The following SSPN variants were observed in gnomAD, a reference collection of about 807,000 sequenced individuals.
The protein encoded by SSPN is K-ras oncogene-associated protein.
SSPN carries 15 observed loss-of-function variants against 19.1 expected under a neutral mutation model. That is an observed-to-expected ratio of 0.78 (90% CI 0.52 to 1.21). The LOEUF (loss-of-function observed/expected upper bound fraction) is 1.21, where lower values mean the gene tolerates loss of function less well. Among genes scored for constraint, SSPN ranks in the 50% most tolerant of loss-of-function variants. The pLI is 0.00. For missense variants in SSPN, 291 were observed against 314.0 expected (o/e 0.93, Z 0.55); for synonymous variants, 147 against 140.3 (o/e 1.05, Z -0.34).
intron 1 of SSPN, among the ~76,000 whole-genome samples, chr12:26,210,329 A>G (rs1944972038): frequency 6.6e-6 from 1 of 152,110 alleles, no homozygotes; most frequent in Admixed American, 6.5e-5. Context: ...TAACAAGTTA[A>G]TTTCTTAATA....
chr12:26,228,136 C>T (rs1003364632), intron 2 of SSPN, among the ~76,000 whole-genome samples: 1 of 152,114 alleles, frequency 6.6e-6, no homozygotes, highest in Non-Finnish European at 1.5e-5. Flanking sequence ...TGGCTCATGC[C>T]TGTAATCTCA....
intron 1 of SSPN, chr12:26,123,213 C>T (rs769366229): frequency 6.3e-5 from 97 of 1,527,926 alleles, no homozygotes; most frequent in Non-Finnish European, 7.0e-5. Flanking sequence ...GGAGTGGAGG[C>T]AAGAAGAAAC....
intron 1 of SSPN, among the ~76,000 whole-genome samples, chr12:26,173,729 T>C (rs113643794): frequency 2.0e-5 from 3 of 152,336 alleles, no homozygotes; most frequent in African/African-American, 7.2e-5. Context: ...TGACAAGCCA[T>C]TGTATCTTCA....
At chr12:26,155,320 A>G (rs2137419232) in intron 1 of SSPN, among the ~76,000 whole-genome samples, 1 of 152,330 alleles carries the variant, frequency 6.6e-6, no homozygotes, top group Non-Finnish European at 1.5e-5. Flanking sequence ...AGAAGAAACA[A>G]TTACCAACAC....
At chr12:26,202,977 A>G (rs987451334) in intron 1 of SSPN, among the ~76,000 whole-genome samples, 1 of 152,196 alleles carries the variant, frequency 6.6e-6, no homozygotes, top group Non-Finnish European at 1.5e-5. Flanking sequence ...GCAGAAGGCA[A>G]AGGAGAAGCA....
chr12:26,140,211 G>A (rs1057306395), intron 1 of SSPN, among the ~76,000 whole-genome samples: 12 of 152,210 alleles, frequency 7.9e-5, no homozygotes, highest in Admixed American at 2.0e-4. Flanking sequence ...AGCCTGGTAC[G>A]TCGTAATGTC....
chr12:26,214,592 A>G (rs1240471095), intron 1 of SSPN: 2 of 152,232 alleles, frequency 1.3e-5, no homozygotes, highest in Non-Finnish European at 2.9e-5. Context: ...TGTTCTTACC[A>G]CTGTGTAACC....
chr12:26,122,895 G>T (rs1362934828), intron 1 of SSPN: 22 of 1,550,036 alleles, frequency 1.4e-5, no homozygotes, highest in Non-Finnish European at 1.8e-5. Flanking sequence ...CTTCTGCCCC[G>T]CGCGCTCCAG....
rs1342277890 is a variant in SSPN at position 26,224,357 on chromosome 12, C to G, written c.344C>G (p.Thr115Arg). ...GTCTCATATCAGGTTGACGAACGGA[C>G]ATGTATTCAATTTTCTATGAAAGTA... The part of the protein sequence containing the change: ...LCVSYQVDER[T>R]CIQFSMKLLY... The change falls in exon 2 of 3, where the codon ACA (threonine) becomes AGA (arginine). Residue 115 changes from threonine to arginine, a missense_variant. Physicochemically the swap from Thr to Arg is moderately conservative, Grantham distance 71. Coordinates refer to ENST00000242729, the MANE Select transcript of SSPN (RefSeq NM_005086.5). The G allele has an allele frequency of 6.2e-7, 1 of 1,613,648 alleles. No homozygotes were observed. The highest frequency in any genetic ancestry group is 1.3e-5 in the African/African-American group (1 of 75,024).
rs375948635 is a variant in SSPN, at chr12:26,161,934, C to G, written c.-31+39782C>G. On this transcript the variant is annotated intron_variant, in intron 1 of 2. Transcript: ENST00000538142. The stretch of plus-strand genomic sequence containing the variant: ...TCACTCACCAGCCGCTCACCCCATG[C>G]TGTGCGGCCCAGTTCCTAACTGGCC... Among the ~76,000 whole-genome samples the G allele has an allele frequency of 1.1e-3, 169 of 152,346 alleles. 1 individual carries two copies. The highest frequency in any genetic ancestry group is 3.7e-3 in the African/African-American group (152 of 41,588).
At chr12:26,140,804 T>C (rs955077562) in intron 1 of SSPN, among the ~76,000 whole-genome samples, 1 of 152,212 alleles carries the variant, frequency 6.6e-6, no homozygotes, top group Non-Finnish European at 1.5e-5. Flanking sequence ...ATTAAACCCC[T>C]TTTCTTTATA....
chr12:26,144,731 C>T (rs1944479840), intron 1 of SSPN, among the ~76,000 whole-genome samples: 1 of 152,136 alleles, frequency 6.6e-6, no homozygotes, highest in Admixed American at 6.5e-5. Context: ...AAGACAGATA[C>T]TGAGCTCGGT....
chr12:26,230,627 A>G (rs559533476), intron 2 of SSPN, 84 bp from the exon 3 acceptor site: 2 of 1,482,374 alleles, frequency 1.3e-6, no homozygotes, highest in African/African-American at 1.4e-5. Flanking sequence ...AGGGAAGAAA[A>G]AGAACAGTTT....
intron 1 of SSPN, among the ~76,000 whole-genome samples, chr12:26,221,616 T>C (rs1945122552): frequency 6.6e-6 from 1 of 152,240 alleles, no homozygotes; most frequent in African/African-American, 2.4e-5. Flanking sequence ...CTGCTGAAAT[T>C]AGAAATTTTG....
intron 1 of SSPN, among the ~76,000 whole-genome samples, chr12:26,177,281 T>C (rs913272604): frequency 1.3e-5 from 2 of 152,196 alleles, no homozygotes; most frequent in Admixed American, 6.5e-5. Flanking sequence ...GAATTTCACT[T>C]TTAAGTGTTG....
rs1173146438 is a variant in SSPN at position 26,231,138 on chromosome 12, A to G, written c.*62A>G. Reference sequence around the variant, plus strand: ...GGAGTAGCTGAGGTTAAACAAACAAAAAAAAATTTTAAACAAAGAAAGGAA... The same window carrying G: ...GGAGTAGCTGAGGTTAAACAAACAAGAAAAAATTTTAAACAAAGAAAGGAA... On this transcript the variant is annotated 3_prime_UTR_variant, in exon 3 of 3. Transcript: ENST00000242729. 6.8e-7 allele frequency: 1 copy of G among 1,467,690 alleles called. No individual in the cohort carries two copies. Among genetic ancestry groups the G allele is most frequent in the Non-Finnish European group, 9.0e-7 (1 of 1,108,730 alleles). 90.9% of individuals were successfully genotyped at this position (1,467,690 alleles called of 1,614,324 possible). A position where few individuals can be genotyped will look rare whatever the true frequency, so the allele number is the denominator to read the frequency against.
intron 1 of SSPN, among the ~76,000 whole-genome samples, chr12:26,201,926 T>A (rs1460206259): frequency 6.6e-6 from 1 of 152,206 alleles, no homozygotes; most frequent in African/African-American, 2.4e-5. Context: ...TGAACATGCA[T>A]ATGCCCATTT....
At chr12:26,188,003 A>G (rs773373727) in intron 1 of SSPN, among the ~76,000 whole-genome samples, 4 of 152,240 alleles carry the variant, frequency 2.6e-5, no homozygotes, top group Non-Finnish European at 4.4e-5. Flanking sequence ...GGGCTAGGAT[A>G]CTGGCTAACA....
intron 1 of SSPN, among the ~76,000 whole-genome samples, chr12:26,131,009 A>G (rs564624427): frequency 9.8e-4 from 149 of 152,154 alleles, no homozygotes; most frequent in Middle Eastern, 3.4e-3. Context: ...TTCTTTTAGT[A>G]AAGGGGAAGT....
Sources: allele counts gnomAD v4.1 joint callset (sites outside exome capture counted in the v4.1 genomes callset), GRCh38; gene constraint gnomAD v4.1.1; transcripts MANE v1.5; gene names NCBI Gene and HGNC (gene_info 2026-07-23, HGNC 2026-07-21).